Variants in STAG2 observed in about 807,000 individuals in gnomAD.
STAG2 encodes the protein STAG2 cohesin complex component.
Under a neutral mutation model 108.1 loss-of-function variants are expected in STAG2, and 14 were observed. The ratio of observed to expected loss-of-function variants is 0.13; its 90% CI spans 0.09 to 0.20. The LOEUF is 0.20. Ranked by LOEUF, STAG2 falls within the 10% of genes least tolerant of loss-of-function variation. The pLI is 1.00. For missense variants in STAG2, 440 were observed against 940.9 expected (o/e 0.47, Z 6.96); for synonymous variants, 307 against 302.7 (o/e 1.01, Z -0.15).
At chrX:123,965,990 C>T (rs1341512616) in intron 1 of STAG2, among the ~76,000 whole-genome samples, 3 of 109,661 alleles carry the variant, frequency 2.7e-5, no homozygotes, top group African/African-American at 6.7e-5. Flanking sequence ...AGAGCAAGAC[C>T]CTGTCTCAAA....
At chrX:124,059,152 A>G (rs2058305726) in intron 15 of STAG2, among the ~76,000 whole-genome samples, 1 of 111,819 alleles carries the variant, frequency 8.9e-6, no homozygotes, top group South Asian at 3.7e-4. Context: ...CCCCGTCTCT[A>G]CTAAAAATAC....
chrX:123,967,002 A>T (rs933054827), intron 1 of STAG2, among the ~76,000 whole-genome samples: 2 of 109,467 alleles, frequency 1.8e-5, no homozygotes, highest in African/African-American at 6.7e-5. Context: ...CTCCTGCCTC[A>T]ACCTCCCAGT....
intron 24 of STAG2, among the ~76,000 whole-genome samples, 159 bp from the exon 25 acceptor site, chrX:124,070,990 T>C (rs1009134697): frequency 5.3e-5 from 6 of 112,173 alleles, no homozygotes; most frequent in Non-Finnish European, 9.4e-5. Flanking sequence ...CTTCGCAGCT[T>C]TAGAATCTTA....
chrX:123,984,208 C>A (rs2055046668), intron 1 of STAG2, among the ~76,000 whole-genome samples: 1 of 109,208 alleles, frequency 9.2e-6, no homozygotes, highest in African/African-American at 3.4e-5. Flanking sequence ...GAACTCCCAA[C>A]CTCAGGTGAT....
intron 29 of STAG2, among the ~76,000 whole-genome samples, 162 bp from the exon 30 acceptor site, chrX:124,086,385 T>C (rs1201867772): frequency 1.8e-5 from 2 of 112,115 alleles, no homozygotes; most frequent in Non-Finnish European, 3.8e-5. Flanking sequence ...CTCTGAATTA[T>C]TTCATTTGAT....
At chrX:124,064,854 T>C (rs1264905562) in intron 20 of STAG2, among the ~76,000 whole-genome samples, 1 of 111,920 alleles carries the variant, frequency 8.9e-6, no homozygotes, top group African/African-American at 3.2e-5. Flanking sequence ...TGCATAGTAC[T>C]TAAATACACT....
intron 8 of STAG2, among the ~76,000 whole-genome samples, 200 bp from the exon 9 acceptor site, chrX:124,047,154 G>A (rs1356669654): frequency 9.0e-6 from 1 of 111,382 alleles, no homozygotes; most frequent in East Asian, 2.8e-4. Flanking sequence ...ACCTTTGAGA[G>A]GGCCATTGTG....
chrX:124,024,401 A>T (rs1487644934), intron 3 of STAG2, among the ~76,000 whole-genome samples: 1 of 110,587 alleles, frequency 9.0e-6, no homozygotes, highest in East Asian at 2.8e-4. Flanking sequence ...CCATATAGAC[A>T]TGTGAGAAGA....
rs1292829175 is a variant in STAG2, at chrX:124,051,075, TAG to T, written c.1018-43_1018-42del. 5.2e-6 allele frequency: 4 copies of T among 773,959 alleles called. No individual in the cohort carries two copies. The East Asian group carries it at 9.9e-5, about 19-fold the overall frequency. The allele number at this position is 773,959 out of a possible 1,213,427, so 63.8% of individuals were successfully genotyped here. A position where few individuals can be genotyped will look rare whatever the true frequency, so the allele number is the denominator to read the frequency against. On this transcript the variant is annotated intron_variant, in intron 11 of 34. Coordinates refer to ENST00000371145, the MANE Select transcript of STAG2 (RefSeq NM_001042750.2). ...CTTGAATATTGAAGTTGAAAATACA[TAG>T]AGTTTTAATGCATTGTCTCATCTTT...
At chrX:124,095,183 T>C (rs1178012542) in intron 33 of STAG2, among the ~76,000 whole-genome samples, 189 bp from the exon 34 acceptor site, 1 of 112,269 alleles carries the variant, frequency 8.9e-6, no homozygotes, top group Admixed American at 9.4e-5. Flanking sequence ...CGCCTCGGCC[T>C]CCCAAAGTGC....
chrX:124,079,817 G>C (rs1033348834), intron 27 of STAG2, among the ~76,000 whole-genome samples: 1 of 111,235 alleles, frequency 9.0e-6, no homozygotes, highest in Non-Finnish European at 1.9e-5. Context: ...TTTTTTATGC[G>C]TACATGAAAT....
chrX:123,996,216 C>T lies in STAG2; in HGVS notation c.-162-25151C>T, dbSNP rs1054273157. Among the ~76,000 whole-genome samples, 88 of 112,138 alleles carry T rather than the reference C, an allele frequency of 7.8e-4. 1 individual carries two copies. The highest frequency in any genetic ancestry group is 2.8e-3 in the African/African-American group (87 of 30,934). ...ATGTTTCAGTCAGTATGAGGGACTA[C>T]TTATGTGTTAATTGGTTAAAACAAT... On this transcript the variant is annotated intron_variant, in intron 1 of 34. Transcript: ENST00000371145.
intron 6 of STAG2, among the ~76,000 whole-genome samples, chrX:124,041,561 A>G (rs1412486859): frequency 1.8e-5 from 2 of 111,236 alleles, no homozygotes; most frequent in South Asian, 3.7e-4. Context: ...AGATATTACT[A>G]TATTTATGGT....
chrX:123,969,965 T>G (rs2054282690), intron 1 of STAG2, among the ~76,000 whole-genome samples: 1 of 101,977 alleles, frequency 9.8e-6, no homozygotes, highest in Middle Eastern at 4.8e-3. Flanking sequence ...TTTTTTTTTT[T>G]TTTTTTTTTT....
chrX:123,973,605 G>A (rs942839632), intron 1 of STAG2, among the ~76,000 whole-genome samples: 3 of 109,064 alleles, frequency 2.8e-5, no homozygotes, highest in African/African-American at 1.0e-4. Context: ...AGCACTTTGG[G>A]AGGCTGAGGT....
Position 124,022,658 on chromosome X carries a change from T to A in STAG2, c.31T>A (p.Phe11Ile). Residue 11 changes from phenylalanine to isoleucine, a missense_variant, in exon 3 of 35, where the codon TTT (phenylalanine) becomes ATT (isoleucine). Physicochemically the swap from Phe to Ile is conservative, Grantham distance 21. Transcript: ENST00000371145. MIAAPEIPTD[F>I]NLLQESETHF... ...AGCAGCTCCAGAAATACCAACTGAT[T>A]TTAATCTACTACAGTAAGTAAATTA... 1 of 1,155,727 alleles carries A rather than the reference T, an allele frequency of 8.7e-7. No homozygotes were observed. Among genetic ancestry groups the A allele is most frequent in the Non-Finnish European group, 1.2e-6 (1 of 860,387 alleles).
At chrX:123,969,247 TG>T (rs767924958) in intron 1 of STAG2, among the ~76,000 whole-genome samples, 21 of 110,623 alleles carry the variant, frequency 1.9e-4, no homozygotes, top group South Asian at 7.6e-4. Flanking sequence ...TTGAATTTTT[TG>T]GGGGGGGAAT....
At chrX:124,094,205 A>C (rs2059324401) in intron 33 of STAG2, 61 bp downstream of exon 33, 1 of 1,096,481 alleles carries the variant, frequency 9.1e-7, no homozygotes, top group Non-Finnish European at 1.2e-6. Context: ...ATTATGTTGG[A>C]TATTTATTAG....
intron 1 of STAG2, among the ~76,000 whole-genome samples, chrX:123,968,127 C>G (rs1370592140): frequency 9.0e-6 from 1 of 111,227 alleles, no homozygotes; most frequent in East Asian, 2.8e-4. Flanking sequence ...TCTCAAACGC[C>G]TGACCTCGTG....
Sources: gnomAD v4.1 joint callset for allele counts (sites outside exome capture counted in the v4.1 genomes callset) on GRCh38, gnomAD v4.1.1 for gene constraint, MANE v1.5 for transcripts, NCBI Gene and HGNC (gene_info 2026-07-23, HGNC 2026-07-21) for gene names.